Variants in CCSER1 observed in about 807,000 individuals in gnomAD.
CCSER1 encodes the protein coiled-coil serine rich protein 1.
A neutral mutation model predicts 82.0 loss-of-function variants in CCSER1; 41 were observed. That is an observed-to-expected ratio of 0.50 (90% CI 0.39 to 0.65). CCSER1 has a LOEUF of 0.65. Among genes scored for constraint, CCSER1 ranks in the 30% least tolerant of loss-of-function variants. The probability of loss-of-function intolerance (pLI) is 0.00; values close to 1 mark genes in which losing one functional copy is unlikely to be tolerated. For synonymous variants in CCSER1, 414 were observed against 383.9 expected, an observed-to-expected ratio of 1.08 and a Z score of -0.92; for missense variants, 1,119 against 1,064.2, an observed-to-expected ratio of 1.05 and a Z score of -0.72.
chr4:91,139,787 A>T (rs959579065), intron 10 of CCSER1, among the ~76,000 whole-genome samples: 2 of 152,200 alleles, frequency 1.3e-5, no homozygotes, highest in Non-Finnish European at 2.9e-5. Flanking sequence ...CAAAAAGAAC[A>T]GTGTTTAAAA....
chr4:91,517,472 A>G (rs1760193381), intron 10 of CCSER1, among the ~76,000 whole-genome samples: 1 of 152,070 alleles, frequency 6.6e-6, no homozygotes, highest in Non-Finnish European at 1.5e-5. Flanking sequence ...GTCTTTAGTC[A>G]GTTTGGTTCA....
intron 10 of CCSER1, among the ~76,000 whole-genome samples, chr4:91,097,092 T>A (rs1325297581): frequency 1.3e-5 from 2 of 152,148 alleles, no homozygotes; most frequent in Non-Finnish European, 2.9e-5. Context: ...GTGTGCACAG[T>A]TTTTTAATGG....
At chr4:91,085,691 G>A (rs1723311788) in intron 9 of CCSER1, among the ~76,000 whole-genome samples, 1 of 152,030 alleles carries the variant, frequency 6.6e-6, no homozygotes. Flanking sequence ...GGCAATCATT[G>A]CTTAAAATAG....
chr4:90,839,045 G>C (rs1762220619), intron 8 of CCSER1: 1 of 1,612,130 alleles, frequency 6.2e-7, no homozygotes. Flanking sequence ...CATGGTTGCG[G>C]AGGAAAAGCG....
At chr4:90,214,402 G>A (rs1740631349) in intron 1 of CCSER1, among the ~76,000 whole-genome samples, 1 of 152,158 alleles carries the variant, frequency 6.6e-6, no homozygotes, top group African/African-American at 2.4e-5. Flanking sequence ...AGGCGAGTTA[G>A]GGATGCACTA....
chr4:90,299,744 A>G (rs1377308066), intron 1 of CCSER1, among the ~76,000 whole-genome samples: 1 of 152,146 alleles, frequency 6.6e-6, no homozygotes, highest in Non-Finnish European at 1.5e-5. Context: ...TGTAGATAGC[A>G]TGGTCTTTCT....
chr4:91,058,183 G>A (rs1412521883), intron 9 of CCSER1, among the ~76,000 whole-genome samples: 3 of 151,900 alleles, frequency 2.0e-5, no homozygotes, highest in Admixed American at 6.6e-5. Flanking sequence ...CACCCTCTGA[G>A]AAGCTCCAGT....
intron 7 of CCSER1, among the ~76,000 whole-genome samples, chr4:90,727,789 C>T (rs955499277): frequency 2.6e-5 from 4 of 152,234 alleles, no homozygotes; most frequent in Admixed American, 6.5e-5. Context: ...TAATGTTCAT[C>T]AGTTTTAAAA....
intron 7 of CCSER1, among the ~76,000 whole-genome samples, chr4:90,811,749 A>G (rs961203827): frequency 6.6e-6 from 1 of 151,970 alleles, no homozygotes; most frequent in Non-Finnish European, 1.5e-5. Context: ...GTTGAATTGG[A>G]GTGTCTGTGG....
At chr4:90,701,058 C>T (rs11944678) in intron 6 of CCSER1, among the ~76,000 whole-genome samples, 65,560 of 151,772 alleles carry the variant, frequency 0.43, 14,493 homozygotes, top group African/African-American at 0.52. Flanking sequence ...AGTCCTTGCC[C>T]ATGCCTATGT....
At chr4:90,483,551 CT>C (rs2153599685) in intron 5 of CCSER1, among the ~76,000 whole-genome samples, 2 of 152,288 alleles carry the variant, frequency 1.3e-5, no homozygotes, top group African/African-American at 4.8e-5. Context: ...TTCAGGAGGT[CT>C]TTCAGGGCAG....
chr4:90,919,648 C>T (rs1728086998), intron 8 of CCSER1, among the ~76,000 whole-genome samples: 1 of 151,798 alleles, frequency 6.6e-6, no homozygotes, highest in African/African-American at 2.4e-5. Context: ...ATTTGTGTTA[C>T]TGACTTTTAT....
intron 10 of CCSER1, among the ~76,000 whole-genome samples, chr4:91,378,898 A>G (rs562102234): frequency 1.3e-5 from 2 of 152,258 alleles, no homozygotes; most frequent in African/African-American, 4.8e-5. Context: ...TGCCATAGAT[A>G]GCTCTTATTA....
At chr4:90,916,439 G>T (rs1051343467) in intron 8 of CCSER1, among the ~76,000 whole-genome samples, 7 of 152,200 alleles carry the variant, frequency 4.6e-5, no homozygotes, top group Admixed American at 4.6e-4. Context: ...AACAAATGGT[G>T]CTGGGAAAAC....
chr4:90,379,190 G>A (rs1279636784), intron 3 of CCSER1, among the ~76,000 whole-genome samples: 1 of 152,154 alleles, frequency 6.6e-6, no homozygotes, highest in African/African-American at 2.4e-5. Flanking sequence ...CTTCAGGACT[G>A]CTCTCTTCTA....
chr4:91,598,815 T>G lies in CCSER1; in HGVS notation c.2461T>G (p.Leu821Val). 6.4e-7 allele frequency: 1 copy of G among 1,551,612 alleles called. No individual in the cohort carries two copies. The highest frequency in any genetic ancestry group is 8.7e-7 in the Non-Finnish European group (1 of 1,146,922). Residue 821 changes from leucine (L) to valine (V), a missense_variant, in exon 11 of 11, where the codon TTA (leucine) becomes GTA (valine). Coordinates refer to ENST00000509176, the MANE Select transcript of CCSER1 (RefSeq NM_001145065.2). ...ETLTSDVTQN[L>V]RATVGQSSLK... Reference sequence around the variant, plus strand: ...CCTCACTTCAGACGTTACACAGAACTTACGGGCCACCGTTGGGCAGAGCTC... The same window carrying G: ...CCTCACTTCAGACGTTACACAGAACGTACGGGCCACCGTTGGGCAGAGCTC...
chr4:90,160,980 T>C (rs1418174321), intron 1 of CCSER1, among the ~76,000 whole-genome samples: 1 of 152,104 alleles, frequency 6.6e-6, no homozygotes, highest in Admixed American at 6.6e-5. Flanking sequence ...AAGATAAGAT[T>C]ATTAAAATTT....
intron 1 of CCSER1, among the ~76,000 whole-genome samples, chr4:90,180,158 TTGTTA>T (rs1286645413): frequency 1.3e-5 from 2 of 150,576 alleles, no homozygotes; most frequent in African/African-American, 2.4e-5. Flanking sequence ...TATTTTGCTT[TTGTTA>T]TGTTTAGTGG....
chr4:91,179,172 C>T (rs1733734237), intron 10 of CCSER1, among the ~76,000 whole-genome samples: 1 of 152,226 alleles, frequency 6.6e-6, no homozygotes, highest in Non-Finnish European at 1.5e-5. Context: ...AAGAGATACA[C>T]TGTTGGTCTG....
Sources: gnomAD v4.1 joint callset for allele counts (sites outside exome capture counted in the v4.1 genomes callset) on GRCh38, gnomAD v4.1.1 for gene constraint, MANE v1.5 for transcripts, NCBI Gene and HGNC (gene_info 2026-07-23, HGNC 2026-07-21) for gene names.